Variants in TASOR2 observed in about 807,000 individuals in gnomAD.
TASOR2 encodes the protein protein TASOR 2.
Under a neutral mutation model 199.5 loss-of-function variants are expected in TASOR2, and 84 were observed. That is an observed-to-expected ratio of 0.42 (90% CI 0.35 to 0.50). The LOEUF (loss-of-function observed/expected upper bound fraction) is 0.50, where lower values mean the gene tolerates loss of function less well. Among genes scored for constraint, TASOR2 ranks in the 20% least tolerant of loss-of-function variants. The pLI, the probability that TASOR2 is intolerant of heterozygous loss-of-function variation, is 0.02. For missense variants in TASOR2, 2,796 were observed against 2,835.9 expected (o/e 0.99, Z 0.32); for synonymous variants, 1,103 against 1,046.6 (o/e 1.05, Z -1.04).
At chr10:5,708,391 G>T (rs1831408443) in intron 1 of TASOR2, among the ~76,000 whole-genome samples, 1 of 152,096 alleles carries the variant, frequency 6.6e-6, no homozygotes, top group South Asian at 2.1e-4. Flanking sequence ...TCTTGACATA[G>T]CTCCATCTCC....
rs1837170724 is a variant in TASOR2, at chr10:5,746,162, T to TTA, written c.2758-17_2758-16insTA. 2 of 1,506,272 alleles carry TTA rather than the reference T, an allele frequency of 1.3e-6. No homozygotes were observed. The highest frequency in any genetic ancestry group is 2.8e-5 in the African/African-American group (2 of 71,256). The allele number at this position is 1,506,272 out of a possible 1,614,324, so 93.3% of individuals were successfully genotyped here. ...TATATGACTGATTTTTTTTTTTTTT[T>TTA]ACTTTGGCCGTTTCAGGTAACTGGG... On this transcript the variant is annotated splice_polypyrimidine_tract_variant and intron_variant, in intron 14 of 20. Coordinates refer to ENST00000328090, the Ensembl canonical transcript of TASOR2.
chr10:5,717,157 C>A (rs932650424), intron 2 of TASOR2, among the ~76,000 whole-genome samples: 15 of 151,848 alleles, frequency 9.9e-5, no homozygotes, highest in Non-Finnish European at 2.2e-4. Context: ...AATACACATT[C>A]TTCAAAAACA....
At chr10:5,711,294 A>G (rs1051975300) in intron 1 of TASOR2, among the ~76,000 whole-genome samples, 5 of 152,064 alleles carry the variant, frequency 3.3e-5, no homozygotes, top group African/African-American at 1.2e-4. Context: ...GTTTTTGTAT[A>G]TTGGTTACTT....
At chr10:5,718,937 T>C (rs560251523) in intron 3 of TASOR2, among the ~76,000 whole-genome samples, 2 of 152,326 alleles carry the variant, frequency 1.3e-5, no homozygotes, top group South Asian at 4.1e-4. Context: ...CCTTGATTTC[T>C]TGCCACTAGC....
In TASOR2 at chr10:5,752,247, A is replaced by G. The variant is rs1433151406; in HGVS notation, c.6606+2220A>G. Among the ~76,000 whole-genome samples, 3 of 152,224 alleles carry G rather than the reference A, an allele frequency of 2.0e-5. No individual in the cohort carries two copies. Among genetic ancestry groups the G allele is most frequent in the South Asian group, 2.1e-4 (1 of 4,834 alleles). On this transcript the variant is annotated intron_variant, in intron 15 of 20. Transcript: ENST00000328090. The surrounding 1 kb of genome is among the most constrained non-coding windows in gnomAD (Gnocchi z 4.4). Reference sequence around the variant, plus strand: ...ATGGGACAAGGAAAACACTGATTAAAAGAGTCACACAAATAAATGTGAAAT... The same window carrying G: ...ATGGGACAAGGAAAACACTGATTAAGAGAGTCACACAAATAAATGTGAAAT...
exon 15 of TASOR2, chr10:5,747,681 G>T: frequency 6.2e-7 from 1 of 1,614,182 alleles, no homozygotes; most frequent in South Asian, 1.1e-5. Context: ...ATCAGGCTGT[G>T]ACTCCATGCA....
chr10:5,693,417 T>C (rs4750644), intron 1 of TASOR2, among the ~76,000 whole-genome samples: 152,099 of 152,372 alleles, frequency 1, 75,913 homozygotes, highest in East Asian at 1. Context: ...TAAACTCGTA[T>C]GTGGCAAGAA....
intron 11 of TASOR2, among the ~76,000 whole-genome samples, chr10:5,731,827 T>C (rs1834861252): frequency 6.6e-6 from 1 of 152,214 alleles, no homozygotes; most frequent in Non-Finnish European, 1.5e-5. Flanking sequence ...TGCCATCCTC[T>C]TCACAAATGG....
intron 10 of TASOR2, among the ~76,000 whole-genome samples, chr10:5,728,445 G>A (rs1205907911): frequency 6.6e-6 from 1 of 151,918 alleles, no homozygotes; most frequent in African/African-American, 2.4e-5. Context: ...AGACCATCCT[G>A]GCCAACATGG....
chr10:5,747,170 T>A (rs372399225), exon 15 of TASOR2: 3 of 1,613,998 alleles, frequency 1.9e-6, no homozygotes, highest in Non-Finnish European at 2.5e-6. Context: ...ACTGAAAATA[T>A]GAATTTGGAA....
exon 20 of TASOR2, chr10:5,762,629 A>G (rs1840069170): frequency 7.0e-7 from 1 of 1,429,244 alleles, no homozygotes; most frequent in Non-Finnish European, 9.6e-7. Context: ...TAGCAGCTCC[A>G]TTTAGGAGTA....
In TASOR2 at chr10:5,710,564, C is replaced by A. The variant is rs898450481; in HGVS notation, c.-287-2259C>A. On this transcript the variant is annotated intron_variant, in intron 1 of 20. Transcript: ENST00000328090. The surrounding 1 kb of genome is among the most constrained non-coding windows in gnomAD (Gnocchi z 4.6). ...GTTCTCTGACCATGTATTTGGGAAACCCTGTATTAGTGTTTTTAATTGCAC... is the reference window on the plus strand; with the variant it reads ...GTTCTCTGACCATGTATTTGGGAAAACCTGTATTAGTGTTTTTAATTGCAC... Among the ~76,000 whole-genome samples, 7 of 151,980 alleles carry A rather than the reference C, an allele frequency of 4.6e-5. No individual in the cohort carries two copies. The highest frequency in any genetic ancestry group is 1.3e-4 in the Admixed American group (2 of 15,268).
intron 11 of TASOR2, among the ~76,000 whole-genome samples, chr10:5,734,441 GC>G (rs769341580): frequency 1.3e-5 from 2 of 152,144 alleles, no homozygotes; most frequent in Non-Finnish European, 2.9e-5. Context: ...AAAACCAGGT[GC>G]ACACTTTCCT....
At chr10:5,705,378 C>T (rs1838448451) in intron 1 of TASOR2, among the ~76,000 whole-genome samples, 1 of 152,094 alleles carries the variant, frequency 6.6e-6, no homozygotes, top group Non-Finnish European at 1.5e-5. Context: ...CAAGTTTATC[C>T]ATTCACCTAT....
intron 18 of TASOR2, 56 bp from the exon 20 acceptor site, chr10:5,761,234 A>G: frequency 1.4e-6 from 2 of 1,480,490 alleles, no homozygotes; most frequent in East Asian, 2.3e-5. Flanking sequence ...AAGGCAAGAA[A>G]AAGTCCTAAG....
intron 3 of TASOR2, 98 bp downstream of exon 4, chr10:5,717,848 C>G (rs1832848225): frequency 6.8e-6 from 3 of 444,432 alleles, no homozygotes; most frequent in Non-Finnish European, 1.1e-5. Flanking sequence ...TAGTTCTCAC[C>G]AAAGTTAGCT....
At chr10:5,731,545 T>A (rs1387482303) in intron 11 of TASOR2, among the ~76,000 whole-genome samples, 3 of 152,210 alleles carry the variant, frequency 2.0e-5, no homozygotes, top group African/African-American at 7.2e-5. Context: ...TAATAGTTGT[T>A]GTATTCGATC....
chr10:5,703,022 G>C (rs7078711), intron 1 of TASOR2, among the ~76,000 whole-genome samples: 101,940 of 152,022 alleles, frequency 0.67, 34,556 homozygotes, highest in African/African-American at 0.77. Context: ...TGTCCTTTGG[G>C]TATAAAGACT....
intron 15 of TASOR2, among the ~76,000 whole-genome samples, chr10:5,753,545 T>C (rs1268685895): frequency 6.6e-6 from 1 of 152,176 alleles, no homozygotes; most frequent in African/African-American, 2.4e-5. Flanking sequence ...TTGTGTTTTT[T>C]AGTAGAGATG....
Sources: allele counts gnomAD v4.1 joint callset (sites outside exome capture counted in the v4.1 genomes callset), GRCh38; gene constraint gnomAD v4.1.1; non-coding constraint Gnocchi (gnomAD v3.1); transcripts MANE v1.5; gene names NCBI Gene and HGNC (gene_info 2026-07-23, HGNC 2026-07-21).